Variants in SLC39A8 observed in about 807,000 individuals in gnomAD.
SLC39A8 encodes metal cation symporter ZIP8.
In SLC39A8, 15 loss-of-function variants were observed where a neutral mutation model predicts 40.4. The observed-to-expected ratio is 0.37, with a 90% CI of 0.25 to 0.57. The LOEUF (loss-of-function observed/expected upper bound fraction) is 0.57, where lower values mean the gene tolerates loss of function less well. Ranked by LOEUF, SLC39A8 falls within the 20% of genes least tolerant of loss-of-function variation. The pLI is 0.75. For missense variants in SLC39A8, 472 were observed against 558.8 expected, an observed-to-expected ratio of 0.84 and a Z score of 1.57; for synonymous variants, 223 against 221.6, an observed-to-expected ratio of 1.01 and a Z score of -0.06.
intron 2 of SLC39A8, among the ~76,000 whole-genome samples, chr4:102,326,657 G>T (rs1735214653): frequency 6.6e-6 from 1 of 152,122 alleles, no homozygotes; most frequent in South Asian, 2.1e-4. Context: ...TTCTATAATG[G>T]TAAGTATTAA....
At chr4:102,340,963 T>G (rs535887697) in intron 2 of SLC39A8, among the ~76,000 whole-genome samples, 1 of 152,290 alleles carries the variant, frequency 6.6e-6, no homozygotes, top group South Asian at 2.1e-4. Flanking sequence ...CTTATGGGAA[T>G]CCATAGAGCA....
In SLC39A8 at chr4:102,285,628, G is replaced by GGGGT. The variant is rs141862070; in HGVS notation, c.841-17550_841-17549insACCC. Among the ~76,000 whole-genome samples the GGGGT allele has an allele frequency of 4.7e-3, 700 of 150,062 alleles. 9 individuals are homozygous for GGGGT. The highest frequency in any genetic ancestry group is 0.016 in the African/African-American group (658 of 40,856). On this transcript the variant is annotated intron_variant, in intron 6 of 8. Coordinates refer to ENST00000356736, the MANE Select transcript of SLC39A8 (RefSeq NM_001135146.2). ...GAGACAAATAAATATTATAGATGAG[G>GGGGT]GTGTGTGTGTGTGTGTGTGCATGTG...
chr4:102,315,189 T>C (rs1193246511), intron 3 of SLC39A8, among the ~76,000 whole-genome samples: 1 of 152,162 alleles, frequency 6.6e-6, no homozygotes, highest in Non-Finnish European at 1.5e-5. Context: ...AAATAGTCTC[T>C]GGTATTTTCT....
rs56764903 is a variant in SLC39A8, at chr4:102,316,025, G to GA, written c.220-196dup. 0.27 allele frequency among the ~76,000 whole-genome samples: 39,489 copies of GA among 145,336 alleles called. 5,340 individuals carry two copies. The highest frequency in any genetic ancestry group is 0.45 in the Middle Eastern group (126 of 282). On this transcript the variant is annotated intron_variant, in intron 2 of 8. Coordinates refer to ENST00000356736, the MANE Select transcript of SLC39A8 (RefSeq NM_001135146.2). ...TTTAAACCTAGAAACAAGAAAAATAGAAAAAAAAAAATCCCTTCTTAATCA... is the reference window on the plus strand; with the variant it reads ...TTTAAACCTAGAAACAAGAAAAATAGAAAAAAAAAAAATCCCTTCTTAATCA...
intron 6 of SLC39A8, among the ~76,000 whole-genome samples, chr4:102,277,106 C>A (rs1441119407): frequency 6.6e-6 from 1 of 152,160 alleles, no homozygotes; most frequent in Non-Finnish European, 1.5e-5. Flanking sequence ...TCTCACCACT[C>A]CTATTCAACA....
intron 6 of SLC39A8, among the ~76,000 whole-genome samples, chr4:102,274,322 C>T (rs1357631269): frequency 6.6e-6 from 1 of 151,958 alleles, no homozygotes; most frequent in Non-Finnish European, 1.5e-5. Flanking sequence ...TATCAGTAGC[C>T]AAATCTATGA....
intron 3 of SLC39A8, among the ~76,000 whole-genome samples, chr4:102,309,815 C>A (rs1244398644): frequency 2.6e-5 from 4 of 151,992 alleles, no homozygotes; most frequent in Non-Finnish European, 5.9e-5. Flanking sequence ...TTTCACTTTC[C>A]ACCAATTAAT....
intron 3 of SLC39A8, among the ~76,000 whole-genome samples, chr4:102,309,666 G>T (rs1734341229): frequency 6.6e-6 from 1 of 152,038 alleles, no homozygotes; most frequent in South Asian, 2.1e-4. Context: ...AAAATTAAAA[G>T]GCAAAGAAAT....
downstream of SLC39A8, among the ~76,000 whole-genome samples, chr4:102,257,437 C>T (rs545959706): frequency 6.6e-6 from 1 of 152,274 alleles, no homozygotes; most frequent in Admixed American, 6.5e-5. Context: ...GGGCCTTAGC[C>T]ACAGATATTG....
chr4:102,315,473 G>A (rs1193921036), intron 3 of SLC39A8, among the ~76,000 whole-genome samples, 195 bp downstream of exon 3: 2 of 152,122 alleles, frequency 1.3e-5, no homozygotes, highest in Non-Finnish European at 2.9e-5. Flanking sequence ...TCAACAAAGA[G>A]AAGAGCATAA....
At position 102,320,454 on chromosome 4, in the gene SLC39A8, G is replaced by A. The variant is rs1243717846; in HGVS notation, c.220-4624C>T. On this transcript the variant is annotated intron_variant, in intron 2 of 8. Coordinates refer to ENST00000356736, the MANE Select transcript of SLC39A8 (RefSeq NM_001135146.2). The stretch of plus-strand genomic sequence containing the variant: ...TATATATGAGAATATATATATGAGA[G>A]TATATATACATATGAGAATATATAT... 3.9e-3 allele frequency among the ~76,000 whole-genome samples: 282 copies of A among 71,850 alleles called. 1 individual carries two copies. The highest frequency in any genetic ancestry group is 4.6e-3 in the Non-Finnish European group (165 of 35,538). The allele number at this position is 71,850 out of a possible 152,430, so 47.1% of individuals were successfully genotyped here. A position where few individuals can be genotyped will look rare whatever the true frequency, so the allele number is the denominator to read the frequency against.
Position 102,267,686 on chromosome 4 carries a change from A to T in SLC39A8, c.1049-12T>A, listed in dbSNP as rs374195796. ...GATCACAAAGTCTCCTAGAAGAAGA[A>T]GAAGAAAATATCAAGTGAATAGTTT... On this transcript the variant is annotated splice_polypyrimidine_tract_variant and intron_variant, in intron 7 of 8. Coordinates refer to ENST00000356736, the MANE Select transcript of SLC39A8 (RefSeq NM_001135146.2). 61 of 1,569,304 alleles carry T rather than the reference A, an allele frequency of 3.9e-5. No individual in the cohort carries two copies. In the African/African-American group the frequency reaches 7.4e-4, roughly 19 times the overall value.
chr4:102,261,152 T>C (rs1217905691), downstream of SLC39A8, among the ~76,000 whole-genome samples: 3 of 152,178 alleles, frequency 2.0e-5, no homozygotes, highest in Admixed American at 6.5e-5. Context: ...TTATTTATTA[T>C]AGGGTTAACC....
intron 6 of SLC39A8, among the ~76,000 whole-genome samples, chr4:102,277,422 C>A (rs1347585490): frequency 1.3e-5 from 2 of 152,098 alleles, no homozygotes; most frequent in Non-Finnish European, 2.9e-5. Context: ...CCTAGGAATA[C>A]AACTTACAAG....
chr4:102,334,458 T>A (rs1424728888), intron 2 of SLC39A8, among the ~76,000 whole-genome samples: 1 of 152,168 alleles, frequency 6.6e-6, no homozygotes, highest in Non-Finnish European at 1.5e-5. Context: ...AAAAACTAGT[T>A]TGTAGAGGAA....
intron 2 of SLC39A8, among the ~76,000 whole-genome samples, chr4:102,338,084 T>C (rs1735754627): frequency 6.6e-6 from 1 of 152,188 alleles, no homozygotes; most frequent in Non-Finnish European, 1.5e-5. Flanking sequence ...AGTATCCATG[T>C]GACAATCATA....
At chr4:102,267,274 G>A (rs959305979) in intron 8 of SLC39A8, among the ~76,000 whole-genome samples, 2 of 152,066 alleles carry the variant, frequency 1.3e-5, no homozygotes, top group Admixed American at 6.6e-5. Flanking sequence ...CAAACAATAC[G>A]ATTATGTTTT....
At chr4:102,308,456 C>G (rs934556401) in intron 3 of SLC39A8, among the ~76,000 whole-genome samples, 7 of 152,088 alleles carry the variant, frequency 4.6e-5, no homozygotes, top group Non-Finnish European at 7.4e-5. Context: ...TAGCTAATGG[C>G]ATGTGTGACC....
At chr4:102,265,376 C>T (rs959493572) in intron 8 of SLC39A8, among the ~76,000 whole-genome samples, 15 of 152,108 alleles carry the variant, frequency 9.9e-5, no homozygotes, top group Admixed American at 3.3e-4. Flanking sequence ...CCATTTTATA[C>T]GAATGTGGTT....
Sources: gnomAD v4.1 joint callset for allele counts (sites outside exome capture counted in the v4.1 genomes callset) on GRCh38, gnomAD v4.1.1 for gene constraint, MANE v1.5 for transcripts, NCBI Gene and HGNC (gene_info 2026-07-23, HGNC 2026-07-21) for gene names.